The following STAT6 variants were observed in gnomAD, a reference collection of about 807,000 sequenced individuals.
STAT6 encodes the protein signal transducer and activator of transcription 6.
Under a neutral mutation model 106.3 loss-of-function variants are expected in STAT6, and 45 were observed. The observed-to-expected ratio is 0.42, with a 90% CI of 0.33 to 0.54. The LOEUF (loss-of-function observed/expected upper bound fraction) is 0.54, where lower values mean the gene tolerates loss of function less well. Among genes scored for constraint, STAT6 ranks in the 20% least tolerant of loss-of-function variants. STAT6 has a pLI of 0.06. For synonymous variants in STAT6, 413 were observed against 413.6 expected (o/e 1.00, Z 0.02); for missense variants, 797 against 1,062.2 (o/e 0.75, Z 3.47).
At chr12:57,101,108 TAGAC>T (rs1395223621) in intron 13 of STAT6, among the ~76,000 whole-genome samples, 3 of 151,852 alleles carry the variant, frequency 2.0e-5, no homozygotes, top group Non-Finnish European at 4.4e-5. Flanking sequence ...TTTTTTTTTT[TAGAC>T]AGAATCTCAT....
intron 17 of STAT6, 54 bp from the exon 18 acceptor site, chr12:57,098,956 C>T: frequency 6.2e-7 from 1 of 1,612,974 alleles, no homozygotes; most frequent in Non-Finnish European, 8.5e-7. Flanking sequence ...GCCACCCCTC[C>T]TTCCTGCAGA....
At chr12:57,110,539 A>ACC (rs1842391337) in intron 1 of STAT6, 1 of 152,214 alleles carries the variant, frequency 6.6e-6, no homozygotes, top group Non-Finnish European at 1.5e-5. Context: ...CCAATGCGTG[A>ACC]ATGTGGCGGT....
chr12:57,102,487 G>A lies in STAT6; in HGVS notation c.1315C>T (p.Pro439Ser), dbSNP rs2033992110. 6.2e-7 allele frequency: 1 copy of A among 1,613,438 alleles called. No homozygotes were observed. The highest frequency in any genetic ancestry group is 1.3e-5 in the African/African-American group (1 of 74,866). ...DNAFSEMDRV[P>S]FVVAERVPWE... ...GGCACCCGCTCAGCCACCACAAAGG[G>A]CACGCGGTCCTGGGGAGAAGGGGGA... Residue 439 changes from proline to serine, a missense_variant, in exon 13 of 22, where the codon CCC becomes TCC. Around this residue, in one of 4 missense-constraint regions of STAT6, gnomAD observed 222 missense variants for 354.6 expected, o/e 0.63. Transcript: ENST00000300134.
intron 19 of STAT6, among the ~76,000 whole-genome samples, chr12:57,098,103 C>G (rs2033567038): frequency 6.6e-6 from 1 of 152,118 alleles, no homozygotes; most frequent in Non-Finnish European, 1.5e-5. Flanking sequence ...TATGAAACTG[C>G]CAAAGACAGA....
In STAT6 at chr12:57,104,437, T is replaced by C. The variant is rs201011002; in HGVS notation, c.1212+27A>G. 4.3e-3 allele frequency: 6,933 copies of C among 1,595,796 alleles called. 17 individuals are homozygous for C. The highest frequency in any genetic ancestry group is 5.3e-3 in the Non-Finnish European group (6,204 of 1,171,852). On this transcript the variant is annotated intron_variant, in intron 11 of 21. Coordinates refer to ENST00000300134, the MANE Select transcript of STAT6 (RefSeq NM_003153.5). ...TTGGAGGAGGACTCGGGGTCCCAGATTGGGGCAGGGCTGGGCCACGGTTCA... is the reference window on the plus strand; with the variant it reads ...TTGGAGGAGGACTCGGGGTCCCAGACTGGGGCAGGGCTGGGCCACGGTTCA...
At chr12:57,105,026 C>G in intron 9 of STAT6, 125 bp downstream of exon 9, 1 of 1,310,638 alleles carries the variant, frequency 7.6e-7, no homozygotes, top group South Asian at 1.4e-5. Flanking sequence ...CTGCCTTGAC[C>G]ATTCAGGGTC....
intron 4 of STAT6, 40 bp downstream of exon 4, chr12:57,107,191 A>C (rs752108877): frequency 2.4e-5 from 38 of 1,586,484 alleles, no homozygotes; most frequent in Non-Finnish European, 3.1e-5. Flanking sequence ...CCAAAGTCTC[A>C]GGGGATTGAG....
At chr12:57,105,008 C>T (rs995584223) in intron 9 of STAT6, 143 bp downstream of exon 9, 17 of 1,252,950 alleles carry the variant, frequency 1.4e-5, no homozygotes, top group Non-Finnish European at 1.5e-5. Context: ...TGGGTCCCTC[C>T]CTTTCCTCTG....
intron 13 of STAT6, among the ~76,000 whole-genome samples, chr12:57,100,642 AAG>A (rs1370756052): frequency 6.2e-5 from 5 of 80,864 alleles, no homozygotes; most frequent in Non-Finnish European, 5.0e-5. Context: ...GAGAAAGAGA[AAG>A]AAAGAAAGAA....
chr12:57,107,371 C>T, intron 3 of STAT6, 57 bp from the exon 4 acceptor site: 1 of 1,513,500 alleles, frequency 6.6e-7, no homozygotes, highest in South Asian at 1.1e-5. Context: ...TCCTTCAATC[C>T]CTCCAATCCC....
At chr12:57,101,785 C>T (rs909324138) in intron 13 of STAT6, among the ~76,000 whole-genome samples, 2 of 151,736 alleles carry the variant, frequency 1.3e-5, no homozygotes, top group African/African-American at 4.8e-5. Context: ...CTGCGTCAGC[C>T]TCCCATGTAG....
At position 57,097,119 on chromosome 12, in the gene STAT6, A is replaced by T; in HGVS notation, c.2174T>A (p.Met725Lys). 1 of 1,516,430 alleles carries T rather than the reference A, an allele frequency of 6.6e-7. No individual in the cohort carries two copies. Among genetic ancestry groups the T allele is most frequent in the Non-Finnish European group, 8.8e-7 (1 of 1,132,876 alleles). 93.9% of individuals were successfully genotyped at this position (1,516,430 alleles called of 1,614,324 possible). The change falls in exon 20 of 22, where the codon ATG becomes AAG. Residue 725 changes from methionine (M) to lysine (K), a missense_variant. Physicochemically the swap from Met to Lys is moderately conservative, Grantham distance 95. Transcript: ENST00000300134. The stretch of plus-strand genomic sequence containing the variant: ...GCTCATCTGGCCCAGGCTGGGGGGC[A>T]TCTGCAGGTGAGGCCTGGAAGTAGG... ...LSAFQEPHLQ[M>K]PPSLGQMSLP...
At position 57,099,315 on chromosome 12, in the gene STAT6, C is replaced by T; in HGVS notation, c.1870G>A (p.Ala624Thr). The change falls in exon 16 of 22, where the codon GCT (alanine) becomes ACT (threonine). Residue 624 changes from alanine to threonine, a missense_variant. Around this residue, in one of 4 missense-constraint regions of STAT6, gnomAD observed 222 missense variants for 354.6 expected, o/e 0.63. Transcript: ENST00000300134. This position sits in a 1 kb window ranked among gnomAD's most constrained non-coding sequence, Gnocchi z 4.7. ...TCACGCTTGTAGTGGCTCCGGAAAG[C>T]CTCATCCTTGGGCTTCTTGGGATAG... ...NLYPKKPKDEAFRSHYKPEQM... is the reference protein window; with the variant it reads ...NLYPKKPKDETFRSHYKPEQM... 2.5e-6 allele frequency: 4 copies of T among 1,614,184 alleles called. No homozygotes were observed. Among genetic ancestry groups the T allele is most frequent in the Non-Finnish European group, 3.4e-6 (4 of 1,180,034 alleles).
At chr12:57,104,625 AG>A in intron 10 of STAT6, 39 bp from the exon 11 acceptor site, 2 of 1,613,222 alleles carry the variant, frequency 1.2e-6, no homozygotes, top group Non-Finnish European at 1.7e-6. Flanking sequence ...CGAGGTCATG[AG>A]GACAGAGACC....
intron 6 of STAT6, 33 bp downstream of exon 6, chr12:57,106,495 A>T (rs935959008): frequency 6.8e-6 from 11 of 1,612,932 alleles, no homozygotes; most frequent in Non-Finnish European, 6.8e-6. Context: ...CTGCACTTTG[A>T]CCAAGGTCTC....
intron 19 of STAT6, among the ~76,000 whole-genome samples, chr12:57,098,274 G>T (rs763312170): frequency 1.3e-5 from 2 of 152,214 alleles, no homozygotes; most frequent in African/African-American, 2.4e-5. Flanking sequence ...CCATTGTGCA[G>T]ATAAGGCACC....
chr12:57,108,085 G>T, intron 2 of STAT6, 78 bp downstream of exon 2: 1 of 941,164 alleles, frequency 1.1e-6, no homozygotes, highest in Non-Finnish European at 1.7e-6. Context: ...ATCCATGGGT[G>T]AGGGGAGAAA....
At position 57,096,291 on chromosome 12, in the gene STAT6, G is replaced by A. The variant is rs529422275; in HGVS notation, c.*281C>T. ...TGTATGTGTGTGTGCGTGCGTGTGC[G>A]CGCTGCAGGTGCAGGCATGTTGGGG... On this transcript the variant is annotated 3_prime_UTR_variant, in exon 22 of 22. Coordinates refer to ENST00000300134, the MANE Select transcript of STAT6 (RefSeq NM_003153.5). 14 of 430,278 alleles carry A rather than the reference G, an allele frequency of 3.3e-5. No homozygotes were observed. Among genetic ancestry groups the A allele is most frequent in the East Asian group, 8.8e-5 (2 of 22,652 alleles). 26.7% of individuals were successfully genotyped at this position (430,278 alleles called of 1,614,324 possible). A position where few individuals can be genotyped will look rare whatever the true frequency, so the allele number is the denominator to read the frequency against.
intron 13 of STAT6, 63 bp downstream of exon 13, chr12:57,102,227 G>C (rs936820106): frequency 1.3e-6 from 2 of 1,543,422 alleles, no homozygotes; most frequent in African/African-American, 2.7e-5. Context: ...AGGCTGAGCA[G>C]GCCCTGAGTG....
Sources: allele counts gnomAD v4.1 joint callset (sites outside exome capture counted in the v4.1 genomes callset), GRCh38; gene constraint gnomAD v4.1.1; regional missense constraint gnomAD v4.1.1; non-coding constraint Gnocchi (gnomAD v3.1); transcripts MANE v1.5; gene names NCBI Gene and HGNC (gene_info 2026-07-23, HGNC 2026-07-21).